The following FAM222A variants were observed in gnomAD, a reference collection of about 807,000 sequenced individuals.
FAM222A encodes the protein family with sequence similarity 222 member A.
Under a neutral mutation model 25.8 loss-of-function variants are expected in FAM222A, and 7 were observed. The observed-to-expected ratio is 0.27, with a 90% CI of 0.15 to 0.51. The LOEUF (loss-of-function observed/expected upper bound fraction) is 0.51, where lower values mean the gene tolerates loss of function less well. Among genes scored for constraint, FAM222A ranks in the 20% least tolerant of loss-of-function variants. FAM222A has a pLI of 0.97. For synonymous variants in FAM222A, 294 were observed against 298.8 expected, an observed-to-expected ratio of 0.98 and a Z score of 0.17; for missense variants, 573 against 640.5, an observed-to-expected ratio of 0.89 and a Z score of 1.14.
chr12:109,736,048 C>T (rs1184840639), intron 1 of FAM222A: 2 of 152,408 alleles, frequency 1.3e-5, no homozygotes, highest in African/African-American at 4.8e-5. Context: ...CTGGCACCTT[C>T]TCTGAGTCCC....
At chr12:109,740,004 G>A (rs1168880996) in intron 1 of FAM222A, among the ~76,000 whole-genome samples, 1 of 152,194 alleles carries the variant, frequency 6.6e-6, no homozygotes, top group Non-Finnish European at 1.5e-5. Flanking sequence ...TGGGCTCCCT[G>A]ACGCCCCCTG....
chr12:109,732,887 C>A (rs1209882871), intron 1 of FAM222A, among the ~76,000 whole-genome samples: 1 of 152,276 alleles, frequency 6.6e-6, no homozygotes, highest in Non-Finnish European at 1.5e-5. Flanking sequence ...TACTGTGTGC[C>A]CCATCGTGCA....
intron 2 of FAM222A, among the ~76,000 whole-genome samples, chr12:109,756,513 G>A (rs148542510): frequency 0.014 from 2,091 of 151,464 alleles, 25 homozygotes; most frequent in Non-Finnish European, 0.022. Context: ...GTCTTTTACC[G>A]TGAAGTATGA....
intron 1 of FAM222A, among the ~76,000 whole-genome samples, chr12:109,716,957 G>A (rs536915293): frequency 2.0e-5 from 3 of 152,372 alleles, no homozygotes; most frequent in African/African-American, 7.2e-5. Context: ...CTTAAACAGA[G>A]GAAGTGATGG....
intron 1 of FAM222A, among the ~76,000 whole-genome samples, chr12:109,717,170 G>A (rs973517713): frequency 6.6e-6 from 1 of 152,188 alleles, no homozygotes; most frequent in East Asian, 1.9e-4. Context: ...CACACCAAAA[G>A]GCAGATTTGA....
At chr12:109,730,351 T>C (rs993780539) in intron 1 of FAM222A, among the ~76,000 whole-genome samples, 3 of 149,228 alleles carry the variant, frequency 2.0e-5, no homozygotes, top group Non-Finnish European at 4.5e-5. Flanking sequence ...GTGAGGAAGA[T>C]TCTGCAGGCG....
At chr12:109,751,432 T>G (rs1888556188) in intron 2 of FAM222A, among the ~76,000 whole-genome samples, 1 of 152,202 alleles carries the variant, frequency 6.6e-6, no homozygotes, top group Non-Finnish European at 1.5e-5. Context: ...TTAGGTCCTA[T>G]GCTGGTTCAA....
intron 1 of FAM222A, among the ~76,000 whole-genome samples, chr12:109,719,584 C>G (rs557043269): frequency 2.6e-5 from 4 of 152,296 alleles, no homozygotes; most frequent in Admixed American, 6.5e-5. Context: ...GAGGGAAAAC[C>G]TGCAGCTGGT....
At chr12:109,721,142 G>A (rs1887737790) in intron 1 of FAM222A, among the ~76,000 whole-genome samples, 1 of 149,466 alleles carries the variant, frequency 6.7e-6, no homozygotes, top group South Asian at 2.1e-4. Flanking sequence ...CCTGTCATGT[G>A]AATGAAGAAA....
At chr12:109,748,945 T>A (rs1047810128) in intron 2 of FAM222A, among the ~76,000 whole-genome samples, 6 of 152,316 alleles carry the variant, frequency 3.9e-5, no homozygotes, top group African/African-American at 9.6e-5. Flanking sequence ...AATCTTTTTT[T>A]AAAAAAGGAG....
chr12:109,737,262 G>C (rs528958186), intron 1 of FAM222A, among the ~76,000 whole-genome samples: 46 of 152,184 alleles, frequency 3.0e-4, no homozygotes, highest in African/African-American at 1.1e-3. Flanking sequence ...CTTGTGCAGA[G>C]GGAAGCCCAC....
intron 2 of FAM222A, among the ~76,000 whole-genome samples, chr12:109,750,503 C>T (rs1888531975): frequency 2.0e-5 from 3 of 152,106 alleles, no homozygotes; most frequent in African/African-American, 7.2e-5. Context: ...ATAATCTTGT[C>T]CCCTTCTTTC....
At chr12:109,730,627 G>A (rs1312417579) in intron 1 of FAM222A, among the ~76,000 whole-genome samples, 1 of 152,164 alleles carries the variant, frequency 6.6e-6, no homozygotes, top group Non-Finnish European at 1.5e-5. Flanking sequence ...TGTCTGACCT[G>A]GGATTGGGGT....
chr12:109,715,737 G>A (rs909006830), intron 1 of FAM222A, among the ~76,000 whole-genome samples: 6 of 152,166 alleles, frequency 3.9e-5, no homozygotes, highest in African/African-American at 9.7e-5. Context: ...CCTGTGCCTC[G>A]GGGCTCAGGC....
At chr12:109,725,611 G>A (rs1887825543) in intron 1 of FAM222A, among the ~76,000 whole-genome samples, 1 of 152,000 alleles carries the variant, frequency 6.6e-6, no homozygotes. Flanking sequence ...CATTTCCTGG[G>A]ACCCAGGTGA....
Position 109,769,316 on chromosome 12 carries a change from C to T in FAM222A, c.*28C>T, listed in dbSNP as rs748470704. 7.6e-5 allele frequency: 119 copies of T among 1,568,134 alleles called. No homozygotes were observed. In the East Asian group the frequency reaches 1.5e-3, roughly 20 times the overall value. On this transcript the variant is annotated 3_prime_UTR_variant, in exon 3 of 3. Coordinates refer to ENST00000538780, the MANE Select transcript of FAM222A (RefSeq NM_032829.3). ...CCTGCCCTGCGGACATACGGACATG[C>T]GGACAGGGCGCAGAGCCGGGAGGCA...
rs371932060 is a variant in FAM222A, at chr12:109,742,213, G to A, written c.-46-1888G>A. Reference sequence around the variant, plus strand: ...CATGCAGCAAACACATATGTACATAGGTGAGTGTGTACCAGGGTGTGTGTG... The same window carrying A: ...CATGCAGCAAACACATATGTACATAAGTGAGTGTGTACCAGGGTGTGTGTG... On this transcript the variant is annotated intron_variant, in intron 1 of 2. Coordinates refer to ENST00000538780, the MANE Select transcript of FAM222A (RefSeq NM_032829.3). 6.6e-5 allele frequency: 10 copies of A among 152,470 alleles called. No homozygotes were observed. In the South Asian group the frequency reaches 1.0e-3, roughly 16 times the overall value. The allele number at this position is 152,470 out of a possible 1,614,324, so 9.4% of individuals were successfully genotyped here.
intron 2 of FAM222A, among the ~76,000 whole-genome samples, chr12:109,759,721 C>T (rs537231360): frequency 2.6e-5 from 4 of 152,272 alleles, no homozygotes; most frequent in Admixed American, 2.6e-4. Flanking sequence ...TGGGGAGCAC[C>T]CTGGCTTCTG....
intron 1 of FAM222A, among the ~76,000 whole-genome samples, chr12:109,716,170 A>G (rs1357069191): frequency 6.6e-6 from 1 of 152,064 alleles, no homozygotes; most frequent in Non-Finnish European, 1.5e-5. Context: ...CCCAACCAAC[A>G]CACACCCCAG....
Sources: allele counts gnomAD v4.1 joint callset (sites outside exome capture counted in the v4.1 genomes callset), GRCh38; gene constraint gnomAD v4.1.1; transcripts MANE v1.5; gene names NCBI Gene and HGNC (gene_info 2026-07-23, HGNC 2026-07-21).